The following PRKG1 variants were observed in gnomAD, a reference collection of about 807,000 sequenced individuals.
PRKG1 encodes the protein cGMP-dependent protein kinase 1.
In PRKG1, 35 loss-of-function variants were observed where a neutral mutation model predicts 88.1. That is an observed-to-expected ratio of 0.40 (90% confidence interval 0.30 to 0.53). The LOEUF (loss-of-function observed/expected upper bound fraction) is 0.53, where lower values mean the gene tolerates loss of function less well. PRKG1 is among the 20% of genes least tolerant of loss of function. The pLI is 0.59. For missense variants in PRKG1, 540 were observed against 839.8 expected, an observed-to-expected ratio of 0.64 and a Z score of 4.41; for synonymous variants, 303 against 292.5, an observed-to-expected ratio of 1.04 and a Z score of -0.37.
chr10:51,478,373 AC>A (rs1233925913), intron 3 of PRKG1, among the ~76,000 whole-genome samples: 2 of 152,102 alleles, frequency 1.3e-5, no homozygotes, highest in Non-Finnish European at 2.9e-5. Context: ...ATCTATAATC[AC>A]CACATTCCTT....
At chr10:52,226,342 G>A (rs1840388162) in intron 9 of PRKG1, among the ~76,000 whole-genome samples, 1 of 152,084 alleles carries the variant, frequency 6.6e-6, no homozygotes, top group Admixed American at 6.6e-5. Context: ...TCTCAAGAGA[G>A]TTAGTTAGAT....
chr10:51,009,004 CTGATGGTT>C (rs529312252), intron 1 of PRKG1, among the ~76,000 whole-genome samples: 66 of 152,094 alleles, frequency 4.3e-4, no homozygotes, highest in Non-Finnish European at 9.0e-4. Flanking sequence ...TCACACATCT[CTGATGGTT>C]TGTGGTTCTC....
At chr10:51,326,478 T>G (rs992224677) in intron 2 of PRKG1, among the ~76,000 whole-genome samples, 42 of 152,384 alleles carry the variant, frequency 2.8e-4, no homozygotes, top group African/African-American at 9.6e-4. Context: ...ACATCAATTC[T>G]GTAGTAAATT....
At chr10:51,672,526 A>T (rs139784225) in intron 3 of PRKG1, among the ~76,000 whole-genome samples, 138 of 152,192 alleles carry the variant, frequency 9.1e-4, no homozygotes, top group African/African-American at 3.3e-3. Context: ...TTTTATAAAC[A>T]TCATAAACAT....
In PRKG1 at chr10:51,617,437, A is replaced by T. The variant is rs80036699; in HGVS notation, c.592+149601A>T. Among the ~76,000 whole-genome samples the T allele has an allele frequency of 7.7e-3, 1,169 of 152,224 alleles. 12 individuals carry two copies. The highest frequency in any genetic ancestry group is 9.3e-3 in the Non-Finnish European group (632 of 68,016). On this transcript the variant is annotated intron_variant, in intron 3 of 17. Coordinates refer to ENST00000373980, the MANE Select transcript of PRKG1 (RefSeq NM_006258.4). Reference sequence around the variant, plus strand: ...GGGTAGGCTCAATCTCAAGCCCCCAAGGTGCTGGTACCAGCACCTATCTGC... The same window carrying T: ...GGGTAGGCTCAATCTCAAGCCCCCATGGTGCTGGTACCAGCACCTATCTGC...
rs544415915 is a variant in PRKG1 at position 51,331,164 on chromosome 10, C to T, written c.479-136559C>T. On this transcript the variant is annotated intron_variant, in intron 2 of 17. Coordinates refer to ENST00000373980, the MANE Select transcript of PRKG1 (RefSeq NM_006258.4). ...GCTTCCAGAATCCTTGGGACCACTACAGCCCACCCAGTACTGGAACAAGCT... is the reference window on the plus strand; with the variant it reads ...GCTTCCAGAATCCTTGGGACCACTATAGCCCACCCAGTACTGGAACAAGCT... Among the ~76,000 whole-genome samples, 7 of 152,206 alleles carry T rather than the reference C, an allele frequency of 4.6e-5. No individual in the cohort carries two copies. The South Asian group carries it at 1.5e-3, about 32-fold the overall frequency.
At chr10:52,034,616 C>A (rs1387954466) in intron 5 of PRKG1, among the ~76,000 whole-genome samples, 1 of 151,186 alleles carries the variant, frequency 6.6e-6, no homozygotes, top group Non-Finnish European at 1.5e-5. Flanking sequence ...TTATTTACTT[C>A]AAGAGTTAAG....
intron 4 of PRKG1, among the ~76,000 whole-genome samples, chr10:51,879,227 T>C (rs181184730): frequency 4.6e-5 from 7 of 152,366 alleles, no homozygotes; most frequent in African/African-American, 1.7e-4. Context: ...AATATATTTG[T>C]AAACATTTTA....
chr10:51,074,958 G>A, intron 1 of PRKG1, 57 bp downstream of exon 1: 1 of 1,511,162 alleles, frequency 6.6e-7, no homozygotes, highest in East Asian at 2.4e-5. Flanking sequence ...GGAGCTGCGG[G>A]TCTCTGTATT....
intron 7 of PRKG1, among the ~76,000 whole-genome samples, chr10:52,125,315 A>C (rs1036763479): frequency 6.6e-6 from 1 of 152,188 alleles, no homozygotes; most frequent in South Asian, 2.1e-4. Context: ...GTGCATGACT[A>C]TGCATGCTTC....
At chr10:52,130,007 T>C (rs946046565) in intron 7 of PRKG1, among the ~76,000 whole-genome samples, 1 of 152,204 alleles carries the variant, frequency 6.6e-6, no homozygotes, top group Non-Finnish European at 1.5e-5. Flanking sequence ...TATCTGACTT[T>C]GGGTGCATTC....
At chr10:51,390,898 C>G (rs1244987017) in intron 2 of PRKG1, among the ~76,000 whole-genome samples, 5 of 152,188 alleles carry the variant, frequency 3.3e-5, no homozygotes, top group African/African-American at 1.2e-4. Context: ...CAGGAAATCA[C>G]TCCACAACAA....
intron 7 of PRKG1, among the ~76,000 whole-genome samples, chr10:52,102,223 G>T (rs567532093): frequency 6.6e-6 from 1 of 152,026 alleles, no homozygotes; most frequent in African/African-American, 2.4e-5. Context: ...ATGCCCCTGG[G>T]CCACCCAGAA....
At chr10:51,254,219 T>C (rs1839498614) in intron 2 of PRKG1, among the ~76,000 whole-genome samples, 1 of 152,016 alleles carries the variant, frequency 6.6e-6, no homozygotes, top group Non-Finnish European at 1.5e-5. Flanking sequence ...AGCTTGTAAG[T>C]ATTCTAACAT....
At chr10:51,287,417 C>T (rs907993954) in intron 2 of PRKG1, among the ~76,000 whole-genome samples, 1 of 152,138 alleles carries the variant, frequency 6.6e-6, no homozygotes, top group Non-Finnish European at 1.5e-5. Flanking sequence ...AATTTCTTCC[C>T]ATCATGTTGG....
At chr10:51,482,343 A>G (rs980891823) in intron 3 of PRKG1, among the ~76,000 whole-genome samples, 4 of 152,174 alleles carry the variant, frequency 2.6e-5, no homozygotes, top group African/African-American at 9.6e-5. Flanking sequence ...TACTTAATGA[A>G]TGTCTATACT....
intron 3 of PRKG1, among the ~76,000 whole-genome samples, chr10:51,623,211 C>A (rs1169647577): frequency 6.6e-6 from 1 of 152,108 alleles, no homozygotes; most frequent in Non-Finnish European, 1.5e-5. Flanking sequence ...TTCTATTTTT[C>A]ATTTTTTGAG....
At chr10:51,436,647 G>A (rs1312363966) in intron 2 of PRKG1, among the ~76,000 whole-genome samples, 1 of 152,042 alleles carries the variant, frequency 6.6e-6, no homozygotes, top group Non-Finnish European at 1.5e-5. Context: ...GTAATTGGAT[G>A]TAATATCGCT....
intron 3 of PRKG1, among the ~76,000 whole-genome samples, chr10:51,498,724 T>A (rs1840935582): frequency 6.6e-6 from 1 of 152,168 alleles, no homozygotes; most frequent in Non-Finnish European, 1.5e-5. Flanking sequence ...TGAGTAAATC[T>A]CTTAAGTGGG....
Sources: allele counts gnomAD v4.1 joint callset (sites outside exome capture counted in the v4.1 genomes callset), GRCh38; gene constraint gnomAD v4.1.1; transcripts MANE v1.5; gene names NCBI Gene and HGNC (gene_info 2026-07-23, HGNC 2026-07-21).